SLC45A4: variants seen among roughly 807,000 people sequenced by gnomAD.
SLC45A4 encodes polyamine-transporter SLC45A4.
In SLC45A4, 32 loss-of-function variants were observed where a neutral mutation model predicts 63.7. The ratio of observed to expected loss-of-function variants is 0.50; its 90% CI spans 0.38 to 0.67. SLC45A4 has a LOEUF of 0.67. Among genes scored for constraint, SLC45A4 ranks in the 30% least tolerant of loss-of-function variants. The pLI is 0.00. For missense variants in SLC45A4, 1,027 were observed against 1,157.7 expected (o/e 0.89, Z 1.64); for synonymous variants, 535 against 510.0 (o/e 1.05, Z -0.66).
In SLC45A4 at chr8:141,254,146, G is replaced by A. The variant is rs186539258; in HGVS notation, c.84C>T (p.Ala28=). The A allele has an allele frequency of 5.0e-3, 7,629 of 1,536,132 alleles. 17 individuals are homozygous for A. Among genetic ancestry groups the A allele is most frequent in the Non-Finnish European group, 5.9e-3 (6,800 of 1,146,912 alleles). ...CGCAGTTCTCGGCCTCTGCGCCTCC[G>A]GCTTTCTGCGGGTCCGGCAGGGGCA... ...LSVPLPDPQK[A]GGAEAENCET... Residue 28 remains alanine, a synonymous_variant, in exon 2 of 9, where the codon GCC becomes GCT. Coordinates refer to ENST00000517878, the MANE Select transcript of SLC45A4 (RefSeq NM_001286646.2). This position sits in a 1 kb window ranked among gnomAD's most constrained non-coding sequence, Gnocchi z 4.5.
rs1370740037 is a variant in SLC45A4, at chr8:141,218,762, A to G, written c.878T>C (p.Leu293Pro). Residue 293 changes from leucine to proline, a missense_variant, in exon 5 of 9, where the codon CTG becomes CCG. Coordinates refer to ENST00000517878, the MANE Select transcript of SLC45A4 (RefSeq NM_001286646.2). Reference sequence around the variant, plus strand: ...GTCCACGTCCGGGTAGTCCAGGGCCAGCTCGTGCTCCGACTGTACCTCGTC... The same window carrying G: ...GTCCACGTCCGGGTAGTCCAGGGCCGGCTCGTGCTCCGACTGTACCTCGTC... ...FPDEVQSEHE[L>P]ALDYPDVDIM... The G allele has an allele frequency of 6.2e-7, 1 of 1,612,386 alleles. No homozygotes were observed. The highest frequency in any genetic ancestry group is 1.3e-5 in the African/African-American group (1 of 74,876).
At position 141,256,719 on chromosome 8, in the gene SLC45A4, G is replaced by A. The variant is rs150546085; in HGVS notation, c.-400-2090C>T. 2,521 of 434,820 alleles carry A rather than the reference G, an allele frequency of 5.8e-3. 20 individuals are homozygous for A. Among genetic ancestry groups the A allele is most frequent in the Non-Finnish European group, 8.9e-3 (1,882 of 210,294 alleles). The allele number at this position is 434,820 out of a possible 1,614,324, so 26.9% of individuals were successfully genotyped here. On this transcript the variant is annotated intron_variant, in intron 1 of 8. Transcript: ENST00000517878. This position sits in a 1 kb window ranked among gnomAD's most constrained non-coding sequence, Gnocchi z 4.3. ...TTGCTTCTTACGTCCCCTGAACGTC[G>A]CTACGATTCCACACGACAGCCCTCG...
chr8:141,233,214 A>G (rs1428849637), intron 2 of SLC45A4, among the ~76,000 whole-genome samples: 5 of 152,234 alleles, frequency 3.3e-5, no homozygotes, highest in Non-Finnish European at 5.9e-5. Context: ...TCCAGCACAC[A>G]GCTGGGCTGC....
chr8:141,281,443 T>C (rs1002162330), intron 1 of SLC45A4, among the ~76,000 whole-genome samples: 9 of 152,156 alleles, frequency 5.9e-5, no homozygotes, highest in Non-Finnish European at 8.8e-5. Context: ...CTGCGAGTGT[T>C]GTAAAGGGCA....
intron 1 of SLC45A4, among the ~76,000 whole-genome samples, chr8:141,300,329 C>T (rs763107392): frequency 3.3e-5 from 5 of 152,190 alleles, no homozygotes; most frequent in African/African-American, 9.7e-5. Context: ...CAGTCCTCAG[C>T]GTGCTGTTTC....
At chr8:141,279,176 C>T (rs1829845246) in intron 1 of SLC45A4, among the ~76,000 whole-genome samples, 1 of 152,238 alleles carries the variant, frequency 6.6e-6, no homozygotes, top group African/African-American at 2.4e-5. Context: ...GGCCGATGCT[C>T]GTGGGAGCCC....
In SLC45A4 at chr8:141,218,498, G is replaced by A. The variant is rs1826344031; in HGVS notation, c.1142C>T (p.Ala381Val). 6.2e-7 allele frequency: 1 copy of A among 1,613,440 alleles called. No homozygotes were observed. Among genetic ancestry groups the A allele is most frequent in the Admixed American group, 1.7e-5 (1 of 60,030 alleles). ...GGAGCCACTTCCGTTTGGGACTTTA[G>A]CTTCATTCAAGTGATTATCCAGCAA... ...ETLLDNHLNE[A>V]KVPNGSGSPT... Residue 381 changes from alanine (A) to valine (V), a missense_variant, in exon 5 of 9, where the codon GCT (alanine) becomes GTT (valine). Coordinates refer to ENST00000517878, the MANE Select transcript of SLC45A4 (RefSeq NM_001286646.2).
chr8:141,212,141 C>CCCCCCCCCGGGGGG, intron 8 of SLC45A4, 56 bp downstream of exon 8: 1 of 1,109,168 alleles, frequency 9.0e-7, no homozygotes. Flanking sequence ...CCCCGCCGCC[C>CCCCCCCCCGGGGGG]GCCCGCCCGC....
chr8:141,250,018 T>G (rs1216297176), intron 2 of SLC45A4, among the ~76,000 whole-genome samples: 1 of 152,204 alleles, frequency 6.6e-6, no homozygotes, highest in Non-Finnish European at 1.5e-5. Context: ...TTTCATCTGG[T>G]GAGGGTCAGT....
At chr8:141,257,642 T>G (rs1385601238) in intron 1 of SLC45A4, among the ~76,000 whole-genome samples, 6 of 152,182 alleles carry the variant, frequency 3.9e-5, no homozygotes, top group Non-Finnish European at 8.8e-5. Flanking sequence ...AATATATGAA[T>G]TATTCTAAGG....
chr8:141,211,545 C>A lies in SLC45A4; in HGVS notation c.*27G>T, dbSNP rs762882305. ...CCCTGGGCACAATGTGTCCAACTCG[C>A]TGAGGAAAAGAAGATACGTCATTCT... On this transcript the variant is annotated 3_prime_UTR_variant, in exon 9 of 9. Coordinates refer to ENST00000517878, the MANE Select transcript of SLC45A4 (RefSeq NM_001286646.2). 6.2e-7 allele frequency: 1 copy of A among 1,613,170 alleles called. No individual in the cohort carries two copies. Among genetic ancestry groups the A allele is most frequent in the Non-Finnish European group, 8.5e-7 (1 of 1,179,882 alleles).
intron 1 of SLC45A4, among the ~76,000 whole-genome samples, chr8:141,275,646 G>A (rs1829702038): frequency 6.6e-6 from 1 of 151,142 alleles, no homozygotes; most frequent in African/African-American, 2.4e-5. Flanking sequence ...AAACACTACA[G>A]AGCAATGCTT....
rs1289521167 is a variant in SLC45A4 at position 141,208,946 on chromosome 8, CG to C, written c.*2625del. 2 of 152,562 alleles carry C rather than the reference CG, an allele frequency of 1.3e-5. No individual in the cohort carries two copies. The highest frequency in any genetic ancestry group is 2.4e-5 in the African/African-American group (1 of 41,464). The allele number at this position is 152,562 out of a possible 1,614,324, so 9.5% of individuals were successfully genotyped here. A position where few individuals can be genotyped will look rare whatever the true frequency, so the allele number is the denominator to read the frequency against. Reference sequence around the variant, plus strand: ...TGGTCTGCGCACATTACACAAGACTCGACCAACCGACACACCCTGCCTGACA... The same window carrying C: ...TGGTCTGCGCACATTACACAAGACTCACCAACCGACACACCCTGCCTGACA... On this transcript the variant is annotated 3_prime_UTR_variant, in exon 9 of 9. Transcript: ENST00000517878.
intron 2 of SLC45A4, among the ~76,000 whole-genome samples, chr8:141,245,836 C>G (rs1455119726): frequency 6.6e-6 from 1 of 152,162 alleles, no homozygotes; most frequent in Non-Finnish European, 1.5e-5. Context: ...ACTGCCTGGG[C>G]TAAGGATGGT....
chr8:141,239,237 T>C (rs1210930322), intron 2 of SLC45A4, among the ~76,000 whole-genome samples: 1 of 151,990 alleles, frequency 6.6e-6, no homozygotes, highest in African/African-American at 2.4e-5. Context: ...CTGAGTGTGG[T>C]TTTTCAAAAC....
At chr8:141,221,911 CTT>C in intron 2 of SLC45A4, 146 bp from the exon 3 acceptor site, 1 of 792,390 alleles carries the variant, frequency 1.3e-6, no homozygotes, top group Non-Finnish European at 2.0e-6. Context: ...ACGGGGTAGA[CTT>C]TCCTTTTTCT....
At chr8:141,257,890 T>C (rs142129150) in intron 1 of SLC45A4, among the ~76,000 whole-genome samples, 3 of 152,264 alleles carry the variant, frequency 2.0e-5, no homozygotes, top group Admixed American at 1.3e-4. Context: ...TATTACTAAA[T>C]AGGAAAACGG....
rs1170800032 is a variant in SLC45A4, at chr8:141,278,487, G to T, written c.-400-23858C>A. On this transcript the variant is annotated intron_variant, in intron 1 of 8. Transcript: ENST00000517878. This position sits in a 1 kb window ranked among gnomAD's most constrained non-coding sequence, Gnocchi z 4.1. ...CCACGAGGACACTGGCGGGACAGGG[G>T]TGAGCACCTGTGGTGGAGGCGGGGC... The T allele has an allele frequency of 6.6e-6, 1 of 150,616 alleles. No individual in the cohort carries two copies. Among genetic ancestry groups the T allele is most frequent in the Non-Finnish European group, 1.5e-5 (1 of 68,324 alleles). 9.3% of individuals were successfully genotyped at this position (150,616 alleles called of 1,614,324 possible).
At chr8:141,285,554 C>T (rs907229309) in intron 1 of SLC45A4, among the ~76,000 whole-genome samples, 2 of 152,234 alleles carry the variant, frequency 1.3e-5, no homozygotes, top group Non-Finnish European at 2.9e-5. Flanking sequence ...CCAACAAATG[C>T]ATCTTTACAA....
Sources: gnomAD v4.1 joint callset for allele counts (sites outside exome capture counted in the v4.1 genomes callset) on GRCh38, gnomAD v4.1.1 for gene constraint, Gnocchi (gnomAD v3.1) non-coding constraint, MANE v1.5 for transcripts, NCBI Gene and HGNC (gene_info 2026-07-23, HGNC 2026-07-21) for gene names.